Variants in CPNE4 observed in about 807,000 individuals in gnomAD.
CPNE4 encodes copine 4, also known as copine-4.
CPNE4 carries 25 observed loss-of-function variants against 67.9 expected under a neutral mutation model. The observed-to-expected ratio is 0.37, with a 90% CI of 0.27 to 0.51. The LOEUF is 0.51. CPNE4 is among the 20% of genes least tolerant of loss of function. The pLI is 0.93. For missense variants in CPNE4, 464 were observed against 690.8 expected (o/e 0.67, Z 3.68); for synonymous variants, 242 against 244.9 (o/e 0.99, Z 0.11).
At chr3:131,586,113 G>C (rs910400722) in intron 8 of CPNE4, among the ~76,000 whole-genome samples, 2 of 152,122 alleles carry the variant, frequency 1.3e-5, no homozygotes, top group Non-Finnish European at 2.9e-5. Context: ...AAAATGAGTT[G>C]AGGCATCTCT....
At chr3:131,681,304 C>T (rs1389937878) in intron 6 of CPNE4, among the ~76,000 whole-genome samples, 1 of 152,168 alleles carries the variant, frequency 6.6e-6, no homozygotes, top group African/African-American at 2.4e-5. Flanking sequence ...GAAGAACTTC[C>T]TTTACAGTTC....
At chr3:131,678,216 C>T (rs1301849331) in intron 6 of CPNE4, among the ~76,000 whole-genome samples, 1 of 151,948 alleles carries the variant, frequency 6.6e-6, no homozygotes, top group Non-Finnish European at 1.5e-5. Flanking sequence ...GGAGTTCATT[C>T]ATGATTTGGC....
chr3:131,664,555 G>C (rs147138844), intron 7 of CPNE4, among the ~76,000 whole-genome samples: 92 of 152,168 alleles, frequency 6.0e-4, no homozygotes, highest in African/African-American at 2.1e-3. Flanking sequence ...TAGCATAATG[G>C]TAAATAAATC....
intron 2 of CPNE4, among the ~76,000 whole-genome samples, chr3:131,814,365 G>T (rs974533230): frequency 6.6e-6 from 1 of 151,958 alleles, no homozygotes. Context: ...ACTCTAGAGG[G>T]TCTTTCATGG....
chr3:132,031,191 T>C lies in CPNE4; in HGVS notation c.-2+3376A>G, dbSNP rs1283425797. On this transcript the variant is annotated intron_variant, in intron 1 of 15. Transcript: ENST00000429747. ...AGATCAGTTTTAATGCACCAAAGAA[T>C]GGTCTTGAACTATGTGACATTTTAT... is the stretch of plus-strand genomic sequence containing the variant. Among the ~76,000 whole-genome samples, 5 of 152,246 alleles carry C rather than the reference T, an allele frequency of 3.3e-5. No homozygotes were observed. In the East Asian group the frequency reaches 9.6e-4, roughly 29 times the overall value.
At chr3:131,832,791 G>A (rs2085423938) in intron 2 of CPNE4, among the ~76,000 whole-genome samples, 1 of 152,154 alleles carries the variant, frequency 6.6e-6, no homozygotes, top group Non-Finnish European at 1.5e-5. Flanking sequence ...TTAGACTTTA[G>A]AGTTGATGCT....
chr3:131,836,963 A>G (rs897552169), intron 2 of CPNE4, among the ~76,000 whole-genome samples: 4 of 152,326 alleles, frequency 2.6e-5, no homozygotes, highest in East Asian at 1.9e-4. Context: ...GCAAATAGGC[A>G]TATGAAAAGA....
At position 131,939,422 on chromosome 3, in the gene CPNE4, G is replaced by A. The variant is rs894644874; in HGVS notation, c.-1-33978C>T. On this transcript the variant is annotated intron_variant, in intron 1 of 15. Coordinates refer to ENST00000429747, the MANE Select transcript of CPNE4 (RefSeq NM_130808.3). ...AAAAAGGAAGAAAAATTTTAAAAAT[G>A]TATGTATGTTTGCTTGCACACTTAT... Among the ~76,000 whole-genome samples the A allele has an allele frequency of 2.0e-5, 3 of 152,260 alleles. No individual in the cohort carries two copies. The South Asian group carries it at 6.2e-4, about 32-fold the overall frequency.
chr3:131,918,602 C>G (rs888874865), intron 1 of CPNE4, among the ~76,000 whole-genome samples: 1 of 152,120 alleles, frequency 6.6e-6, no homozygotes, highest in Non-Finnish European at 1.5e-5. Context: ...AAAAACCACA[C>G]GTGGAGTTTC....
intron 2 of CPNE4, among the ~76,000 whole-genome samples, chr3:131,848,033 T>C (rs952060213): frequency 1.3e-5 from 2 of 152,176 alleles, no homozygotes; most frequent in East Asian, 3.9e-4. Context: ...TTTTGTCAGA[T>C]AGTACCCCTC....
At chr3:131,903,608 A>C (rs2088633731) in intron 2 of CPNE4, among the ~76,000 whole-genome samples, 1 of 152,108 alleles carries the variant, frequency 6.6e-6, no homozygotes, top group African/African-American at 2.4e-5. Flanking sequence ...ATGGGTTTAA[A>C]TATTAGCTTT....
At chr3:131,568,933 C>T (rs1462221865) in intron 10 of CPNE4, among the ~76,000 whole-genome samples, 1 of 151,466 alleles carries the variant, frequency 6.6e-6, no homozygotes, top group Non-Finnish European at 1.5e-5. Flanking sequence ...TCTTGGGGAG[C>T]TTTCTTTCTT....
chr3:132,019,289 A>G (rs1387471734), intron 1 of CPNE4, among the ~76,000 whole-genome samples: 1 of 152,198 alleles, frequency 6.6e-6, no homozygotes, highest in Non-Finnish European at 1.5e-5. Context: ...CTTCCAAGCT[A>G]CAGAAACAGT....
At chr3:131,722,785 A>C (rs947685581) in intron 3 of CPNE4, among the ~76,000 whole-genome samples, 23 of 152,356 alleles carry the variant, frequency 1.5e-4, no homozygotes, top group African/African-American at 5.5e-4. Context: ...AAAGGAAAAA[A>C]GGAAAAGTAT....
intron 2 of CPNE4, among the ~76,000 whole-genome samples, chr3:131,746,162 GTACA>G (rs2082483974): frequency 6.6e-6 from 1 of 152,064 alleles, no homozygotes; most frequent in African/African-American, 2.4e-5. Context: ...GATAATAAGT[GTACA>G]TATTTATGGG....
intron 2 of CPNE4, among the ~76,000 whole-genome samples, chr3:131,880,421 G>A (rs1447046433): frequency 6.6e-6 from 1 of 152,120 alleles, no homozygotes; most frequent in Non-Finnish European, 1.5e-5. Context: ...GCGGCATATG[G>A]TAGATATTTA....
intron 2 of CPNE4, among the ~76,000 whole-genome samples, chr3:131,891,256 TA>T (rs1397203097): frequency 2.6e-5 from 4 of 152,220 alleles, no homozygotes; most frequent in Admixed American, 2.6e-4. Flanking sequence ...AAGTTTTTTT[TA>T]TAACAATTAC....
intron 2 of CPNE4, among the ~76,000 whole-genome samples, chr3:131,854,928 T>C (rs2086379996): frequency 6.6e-6 from 1 of 151,910 alleles, no homozygotes; most frequent in Admixed American, 6.6e-5. Flanking sequence ...TTATTTAAAT[T>C]ATATGCATCT....
chr3:131,871,259 C>T (rs2087188581), intron 2 of CPNE4, among the ~76,000 whole-genome samples: 1 of 152,158 alleles, frequency 6.6e-6, no homozygotes, highest in Middle Eastern at 3.2e-3. Flanking sequence ...AGGAGAATGA[C>T]TTCCTGTGCC....
Sources: gnomAD v4.1 joint callset for allele counts (sites outside exome capture counted in the v4.1 genomes callset) on GRCh38, gnomAD v4.1.1 for gene constraint, MANE v1.5 for transcripts, NCBI Gene and HGNC (gene_info 2026-07-23, HGNC 2026-07-21) for gene names.